The following DHRS12 variants were observed in gnomAD, a reference collection of about 807,000 sequenced individuals.
DHRS12 encodes dehydrogenase/reductase SDR family member 12.
In DHRS12, 29 loss-of-function variants were observed where a neutral mutation model predicts 32.1. That is an observed-to-expected ratio of 0.90 (90% confidence interval 0.67 to 1.23). The LOEUF (loss-of-function observed/expected upper bound fraction) is 1.23, where lower values mean the gene tolerates loss of function less well. Among genes scored for constraint, DHRS12 ranks in the 50% most tolerant of loss-of-function variants. The pLI, the probability that DHRS12 is intolerant of heterozygous loss-of-function variation, is 0.00. For synonymous variants in DHRS12, 150 were observed against 135.9 expected, an observed-to-expected ratio of 1.10 and a Z score of -0.72; for missense variants, 330 against 337.2, an observed-to-expected ratio of 0.98 and a Z score of 0.17.
At position 51,768,175 on chromosome 13, in the gene DHRS12, G is replaced by C; in HGVS notation, c.*12C>G. The stretch of plus-strand genomic sequence containing the variant: ...TAAGGCAATTCTGGTACCGCACTGT[G>C]TCTGGGTTGGCCTATTTAAATGTCT... On this transcript the variant is annotated 3_prime_UTR_variant, in exon 9 of 9. Transcript: ENST00000444610. 1 of 1,536,134 alleles carries C rather than the reference G, an allele frequency of 6.5e-7. No individual in the cohort carries two copies. Among genetic ancestry groups the C allele is most frequent in the Non-Finnish European group, 8.7e-7 (1 of 1,146,912 alleles).
At chr13:51,791,046 A>C (rs1711829724) in intron 3 of DHRS12, 119 bp downstream of exon 3, 1 of 612,848 alleles carries the variant, frequency 1.6e-6, no homozygotes, top group Admixed American at 3.6e-5. Flanking sequence ...CCCAAGCATA[A>C]GAGAGTCTTA....
chr13:51,768,355 G>A (rs1054049398), intron 8 of DHRS12, 59 bp from the exon 9 acceptor site: 47 of 1,532,972 alleles, frequency 3.1e-5, no homozygotes, highest in Non-Finnish European at 3.7e-5. Context: ...CTGGGTCCAT[G>A]TCCCTGTGCT....
chr13:51,760,540 G>C, the DHRS12 span: 6 of 152,100 alleles, frequency 3.9e-5, no homozygotes, highest in African/African-American at 1.4e-4. Flanking sequence ...AACGATCAGT[G>C]CCTGGATCAT....
At chr13:51,784,944 C>T (rs1359324871) in intron 4 of DHRS12, among the ~76,000 whole-genome samples, 1 of 152,206 alleles carries the variant, frequency 6.6e-6, no homozygotes, top group Non-Finnish European at 1.5e-5. Flanking sequence ...GTTTATGTAA[C>T]AAGCCAGGCG....
chr13:51,787,894 A>T (rs1342593000), intron 4 of DHRS12, among the ~76,000 whole-genome samples: 12 of 132,778 alleles, frequency 9.0e-5, no homozygotes, highest in Non-Finnish European at 1.6e-4. Flanking sequence ...TAATATATAA[A>T]TATATATAAA....
At chr13:51,797,926 A>T in intron 2 of DHRS12, 8 of 1,535,444 alleles carry the variant, frequency 5.2e-6, no homozygotes, top group Non-Finnish European at 7.0e-6. Flanking sequence ...AATTCAATGA[A>T]ACCATCTGTG....
At chr13:51,768,972 C>T in intron 8 of DHRS12, 184 bp downstream of exon 8, 6 of 1,411,754 alleles carry the variant, frequency 4.3e-6, no homozygotes, top group Non-Finnish European at 5.5e-6. Context: ...AGCTACCAAC[C>T]TGGAGTGAAG....
At chr13:51,800,856 A>T (rs1323761097) in intron 1 of DHRS12, among the ~76,000 whole-genome samples, 7 of 152,244 alleles carry the variant, frequency 4.6e-5, no homozygotes, top group Admixed American at 4.6e-4. Context: ...GTAACTCACC[A>T]GAACATGCAG....
chr13:51,761,090 A>C, the DHRS12 span: 1 of 152,212 alleles, frequency 6.6e-6, no homozygotes, highest in Non-Finnish European at 1.5e-5. Context: ...TAAAAACTAG[A>C]TATTTAAACA....
chr13:51,772,532 A>G, intron 6 of DHRS12: 1 of 740,072 alleles, frequency 1.4e-6, no homozygotes, highest in African/African-American at 1.9e-5. Flanking sequence ...CTGTAATCCC[A>G]GCTACTCAGG....
chr13:51,770,705 C>T (rs1953969178), intron 7 of DHRS12: 1 of 979,114 alleles, frequency 1.0e-6, no homozygotes, highest in Non-Finnish European at 1.2e-6. Flanking sequence ...CATGAGATGC[C>T]ACAAAGCACC....
At position 51,804,136 on chromosome 13, in the gene DHRS12, A is replaced by T; in HGVS notation, c.-91T>A. The stretch of plus-strand genomic sequence containing the variant: ...CCGGGAGCGCCCCACGCCTAGCCCC[A>T]CCGCGCTCCCGGCGCGGCCTCCGCC... On this transcript the variant is annotated 5_prime_UTR_variant, in exon 1 of 9. Transcript: ENST00000444610. The T allele has an allele frequency of 2.1e-6, 3 of 1,451,312 alleles. No individual in the cohort carries two copies. The highest frequency in any genetic ancestry group is 2.7e-6 in the Non-Finnish European group (3 of 1,105,890). The allele number at this position is 1,451,312 out of a possible 1,614,324, so 89.9% of individuals were successfully genotyped here. A position where few individuals can be genotyped will look rare whatever the true frequency, so the allele number is the denominator to read the frequency against.
intron 1 of DHRS12, among the ~76,000 whole-genome samples, chr13:51,802,610 A>C (rs888708052): frequency 5.9e-5 from 9 of 152,222 alleles, no homozygotes; most frequent in African/African-American, 1.9e-4. Context: ...AAGTTTAGGA[A>C]ACAGTGATTA....
downstream of DHRS12, chr13:51,765,944 A>C (rs1367331177): frequency 1.3e-5 from 2 of 152,116 alleles, no homozygotes; most frequent in African/African-American, 4.8e-5. Context: ...TTAGATTGAG[A>C]ATCTGACCTT....
rs1358806328 is a variant in DHRS12 at position 51,802,215 on chromosome 13, ACAC to A, written c.-9+1836_-9+1838del. On this transcript the variant is annotated intron_variant, in intron 1 of 8. Coordinates refer to ENST00000444610, the MANE Select transcript of DHRS12 (RefSeq NM_001377533.1). ...CACACACACACACACACACACACAC[ACAC>A]GACTTTCCCAAGGTCACCAGAAGGT... 2.6e-3 allele frequency among the ~76,000 whole-genome samples: 249 copies of A among 96,872 alleles called. 1 individual carries two copies. The highest frequency in any genetic ancestry group is 4.7e-3 in the Middle Eastern group (1 of 212). The allele number at this position is 96,872 out of a possible 152,430, so 63.6% of individuals were successfully genotyped here.
intron 1 of DHRS12, among the ~76,000 whole-genome samples, chr13:51,801,038 G>T (rs1332826296): frequency 6.6e-6 from 1 of 152,154 alleles, no homozygotes; most frequent in Non-Finnish European, 1.5e-5. Context: ...GTGCCATCTT[G>T]TGTGTTGATT....
chr13:51,802,588 T>C (rs1405228643), intron 1 of DHRS12, among the ~76,000 whole-genome samples: 23 of 152,216 alleles, frequency 1.5e-4, no homozygotes, highest in Admixed American at 1.5e-3. Context: ...CAGGGAATTA[T>C]TAGGTTCAGC....
chr13:51,763,290 GTTT>G (rs970296817), downstream of DHRS12: 1 of 152,168 alleles, frequency 6.6e-6, no homozygotes. Flanking sequence ...ATATATGACA[GTTT>G]TTTTGGCTCC....
chr13:51,757,801 A>G, the DHRS12 span, among the ~76,000 whole-genome samples: 1 of 151,682 alleles, frequency 6.6e-6, no homozygotes, highest in Non-Finnish European at 1.5e-5. Flanking sequence ...GACACTTAGT[A>G]ATATCATGGG....
Sources: gnomAD v4.1 joint callset for allele counts (sites outside exome capture counted in the v4.1 genomes callset) on GRCh38, gnomAD v4.1.1 for gene constraint, MANE v1.5 for transcripts, NCBI Gene and HGNC (gene_info 2026-07-23, HGNC 2026-07-21) for gene names.